GOT2: variants seen among roughly 807,000 people sequenced by gnomAD.
GOT2 encodes the protein aspartate aminotransferase, mitochondrial.
In GOT2, 17 loss-of-function variants were observed where a neutral mutation model predicts 50.0. The ratio of observed to expected loss-of-function variants is 0.34; its 90% CI spans 0.23 to 0.51. The LOEUF (loss-of-function observed/expected upper bound fraction) is 0.51. Ranked by LOEUF, GOT2 falls within the 20% of genes least tolerant of loss-of-function variation. GOT2 has a pLI of 0.97. For synonymous variants in GOT2, 172 were observed against 204.9 expected (o/e 0.84, Z 1.37); for missense variants, 430 against 559.6 (o/e 0.77, Z 2.34).
intron 7 of GOT2, 200 bp from the exon 8 acceptor site, chr16:58,716,379 T>A (rs1000116019): frequency 1.7e-6 from 1 of 604,962 alleles, no homozygotes; most frequent in Admixed American, 3.4e-5. Flanking sequence ...TTCAAAGGTA[T>A]TTTTTATTGT....
At chr16:58,718,505 T>C in intron 5 of GOT2, 22 bp downstream of exon 5, 2 of 1,556,462 alleles carry the variant, frequency 1.3e-6, no homozygotes, top group Non-Finnish European at 1.7e-6. Context: ...TTCACCTCTC[T>C]CACCCTGAAA....
At position 58,707,505 on chromosome 16, in the gene GOT2, C is replaced by T. The variant is rs900721309; in HGVS notation, c.*666G>A. On this transcript the variant is annotated 3_prime_UTR_variant, in exon 10 of 10. Coordinates refer to ENST00000245206, the MANE Select transcript of GOT2 (RefSeq NM_002080.4). The stretch of plus-strand genomic sequence containing the variant: ...ATGTTCTTCATTCTTAAATAAATCT[C>T]GATAGGATGGAGTTGATGGTCAATC... 3.9e-5 allele frequency: 6 copies of T among 152,130 alleles called. No individual in the cohort carries two copies. Among genetic ancestry groups the T allele is most frequent in the African/African-American group, 1.4e-4 (6 of 41,500 alleles). 9.4% of individuals were successfully genotyped at this position (152,130 alleles called of 1,614,324 possible). A position where few individuals can be genotyped will look rare whatever the true frequency, so the allele number is the denominator to read the frequency against.
chr16:58,710,738 CGG>C (rs1567484864), intron 8 of GOT2, among the ~76,000 whole-genome samples: 2 of 59,234 alleles, frequency 3.4e-5, no homozygotes, highest in African/African-American at 1.0e-4. Context: ...AAAAATTAGC[CGG>C]GCGGATCACG....
chr16:58,710,180 G>A (rs1313939725), intron 8 of GOT2, among the ~76,000 whole-genome samples: 1 of 151,902 alleles, frequency 6.6e-6, no homozygotes, highest in Non-Finnish European at 1.5e-5. Context: ...TTACAGGTGT[G>A]AGCCACCACG....
intron 2 of GOT2, among the ~76,000 whole-genome samples, chr16:58,723,324 A>G (rs1597703465): frequency 6.6e-6 from 1 of 152,248 alleles, no homozygotes; most frequent in South Asian, 2.1e-4. Flanking sequence ...GAAAGGACAG[A>G]GCATGCCTGT....
At chr16:58,709,315 C>A in intron 9 of GOT2, 102 bp downstream of exon 9, 1 of 1,000,784 alleles carries the variant, frequency 1.0e-6, no homozygotes, top group Non-Finnish European at 1.4e-6. Flanking sequence ...AAACAAAAAA[C>A]CCGAAAACAT....
chr16:58,729,837 CTCTG>C (rs2044818867), intron 1 of GOT2, among the ~76,000 whole-genome samples: 1 of 152,128 alleles, frequency 6.6e-6, no homozygotes, highest in Non-Finnish European at 1.5e-5. Flanking sequence ...GCCCTCCAGC[CTCTG>C]TCTTTTAAGA....
At chr16:58,721,697 A>G (rs897860783) in intron 3 of GOT2, 1 of 152,502 alleles carries the variant, frequency 6.6e-6, no homozygotes, top group African/African-American at 2.4e-5. Flanking sequence ...GCAATTTACT[A>G]TCAAATAAGA....
rs186742537 is a variant in GOT2, at chr16:58,727,444, T to C, written c.90-3542A>G. On this transcript the variant is annotated intron_variant, in intron 1 of 9. Transcript: ENST00000245206. ...AGATTCTCTGCCTTGCCAGAACACT[T>C]TTCTAGGCTTTATGATCTTCTAAAG... Among the ~76,000 whole-genome samples, 65 of 152,176 alleles carry C rather than the reference T, an allele frequency of 4.3e-4. 1 individual carries two copies. In the East Asian group the frequency reaches 0.012, roughly 27 times the overall value.
intron 8 of GOT2, among the ~76,000 whole-genome samples, chr16:58,710,763 C>A (rs1452114220): frequency 1.9e-5 from 1 of 51,654 alleles, no homozygotes; most frequent in South Asian, 7.0e-4. Context: ...GTCAGGAGAT[C>A]GAGACCATCC....
chr16:58,708,073 A>G lies in GOT2; in HGVS notation c.*98T>C. On this transcript the variant is annotated 3_prime_UTR_variant, in exon 10 of 10. Transcript: ENST00000245206. The stretch of plus-strand genomic sequence containing the variant: ...ACACTGTGGCTGAAAGAAATGATCC[A>G]CTCACCACCATCCACCCTCTCTCAT... 1 of 1,200,652 alleles carries G rather than the reference A, an allele frequency of 8.3e-7. No homozygotes were observed. The allele number at this position is 1,200,652 out of a possible 1,614,324, so 74.4% of individuals were successfully genotyped here. A position where few individuals can be genotyped will look rare whatever the true frequency, so the allele number is the denominator to read the frequency against.
chr16:58,729,232 A>G (rs1422216400), intron 1 of GOT2, among the ~76,000 whole-genome samples: 1 of 132,676 alleles, frequency 7.5e-6, no homozygotes, highest in African/African-American at 3.0e-5. Context: ...CTTATCCACA[A>G]TTCAGACCCT....
intron 1 of GOT2, among the ~76,000 whole-genome samples, chr16:58,728,008 C>A (rs1452875072): frequency 1.3e-5 from 2 of 152,054 alleles, no homozygotes; most frequent in Non-Finnish European, 2.9e-5. Flanking sequence ...GTACTTGTGG[C>A]TAGTCAGCAC....
intron 8 of GOT2, among the ~76,000 whole-genome samples, chr16:58,714,717 C>A (rs1273695170): frequency 2.6e-5 from 4 of 151,426 alleles, no homozygotes; most frequent in Non-Finnish European, 5.9e-5. Flanking sequence ...TAAAAAAAAA[C>A]AAAAAACAAA....
intron 1 of GOT2, among the ~76,000 whole-genome samples, chr16:58,732,530 G>C (rs375181186): frequency 2.4e-4 from 37 of 152,102 alleles, no homozygotes; most frequent in South Asian, 1.9e-3. Context: ...GAAAAATCAG[G>C]GCTTAAAATA....
rs1297681960 is a variant in GOT2, at chr16:58,708,277, T to C, written c.1187A>G (p.Lys396Arg). Reference protein sequence around the residue: ...LKPEQVERLIKEFSIYMTKDG... With the variant: ...LKPEQVERLIREFSIYMTKDG... ...TTTTGTCATGTAGATGGAGAACTCC[T>C]TGATCAGCCGCTCCACCTGCAGAGA... The change falls in exon 10 of 10, where the codon AAG becomes AGG. Residue 396 changes from lysine to arginine, a missense_variant. By Grantham distance (26) the Lys-to-Arg change is conservative. Coordinates refer to ENST00000245206, the MANE Select transcript of GOT2 (RefSeq NM_002080.4). 8 of 1,613,906 alleles carry C rather than the reference T, an allele frequency of 5.0e-6. No individual in the cohort carries two copies. Among genetic ancestry groups the C allele is most frequent in the Non-Finnish European group, 6.8e-6 (8 of 1,179,952 alleles).
At chr16:58,709,683 C>A in intron 8 of GOT2, 116 bp from the exon 9 acceptor site, 1 of 734,192 alleles carries the variant, frequency 1.4e-6, no homozygotes, top group Non-Finnish European at 2.2e-6. Flanking sequence ...ATTCTCAGGT[C>A]ACGAATGAGT....
chr16:58,726,289 G>A (rs946154910), intron 1 of GOT2, among the ~76,000 whole-genome samples: 1 of 152,050 alleles, frequency 6.6e-6, no homozygotes, highest in Non-Finnish European at 1.5e-5. Context: ...GGGTTCAAGC[G>A]ATTCTCCTGC....
Position 58,709,612 on chromosome 16 carries a change from A to G in GOT2, c.1020-45T>C, listed in dbSNP as rs781597196. On this transcript the variant is annotated intron_variant, in intron 8 of 9. Transcript: ENST00000245206. ...TGCAGCTCATTCTGCCTAAGCACTG[A>G]CCGATATGCTGGAGTTCACTGCATT... The G allele has an allele frequency of 3.7e-5, 58 of 1,552,548 alleles. No homozygotes were observed. The South Asian group carries it at 6.1e-4, about 16-fold the overall frequency.
Sources: allele counts gnomAD v4.1 joint callset (sites outside exome capture counted in the v4.1 genomes callset), GRCh38; gene constraint gnomAD v4.1.1; transcripts MANE v1.5; gene names NCBI Gene and HGNC (gene_info 2026-07-23, HGNC 2026-07-21).